Variants in TENM3 observed in about 807,000 individuals in gnomAD.
TENM3 encodes the protein teneurin-3.
In TENM3, 63 loss-of-function variants were observed where a neutral mutation model predicts 255.1. The observed-to-expected ratio is 0.25, with a 90% CI of 0.20 to 0.30. The LOEUF is 0.30. Among genes scored for constraint, TENM3 ranks in the 10% least tolerant of loss-of-function variants. The probability of loss-of-function intolerance (pLI) is 1.00; values close to 1 mark genes in which losing one functional copy is unlikely to be tolerated. For synonymous variants in TENM3, 1,306 were observed against 1,322.3 expected (o/e 0.99, Z 0.27); for missense variants, 2,929 against 3,461.1 (o/e 0.85, Z 3.86).
intron 12 of TENM3, chr4:182,711,654 C>T: frequency 1.4e-6 from 1 of 716,210 alleles, no homozygotes; most frequent in Non-Finnish European, 1.7e-6. Context: ...CTCTATATAA[C>T]TGTATATCAC....
At chr4:182,432,918 C>G (rs1771773343) in intron 3 of TENM3, among the ~76,000 whole-genome samples, 1 of 130,332 alleles carries the variant, frequency 7.7e-6, no homozygotes, top group South Asian at 2.7e-4. Flanking sequence ...AACTCCTGAC[C>G]TCAGGTGATC....
At chr4:182,228,944 T>A (rs1756376881) in intron 1 of TENM3, among the ~76,000 whole-genome samples, 1 of 152,190 alleles carries the variant, frequency 6.6e-6, no homozygotes, top group Admixed American at 6.5e-5. Context: ...GCAGTCCTAC[T>A]GTCATGGGGC....
the TENM3 span, among the ~76,000 whole-genome samples, chr4:182,094,250 C>CT: frequency 0.035 from 5,158 of 145,698 alleles, 147 homozygotes; most frequent in Admixed American, 0.082. Context: ...TCATTCTTTA[C>CT]TTTTTTTTTT....
chr4:182,335,143 T>C (rs192380802), intron 2 of TENM3, among the ~76,000 whole-genome samples: 24 of 152,098 alleles, frequency 1.6e-4, no homozygotes, highest in East Asian at 1.6e-3. Flanking sequence ...TTTACTCCCC[T>C]GAAACTTCTC....
chr4:181,726,948 T>G, the TENM3 span, among the ~76,000 whole-genome samples: 1 of 152,306 alleles, frequency 6.6e-6, no homozygotes, highest in East Asian at 1.9e-4. Context: ...ATGTACTGGT[T>G]TATTCTAAAG....
At chr4:182,034,328 G>C in the TENM3 span, among the ~76,000 whole-genome samples, 1 of 152,116 alleles carries the variant, frequency 6.6e-6, no homozygotes, top group Non-Finnish European at 1.5e-5. Flanking sequence ...ATGGGTCTTG[G>C]CTATATCCAG....
At chr4:181,957,218 C>T in the TENM3 span, among the ~76,000 whole-genome samples, 2 of 152,126 alleles carry the variant, frequency 1.3e-5, no homozygotes, top group East Asian at 3.9e-4. Flanking sequence ...TTTTGTCTCT[C>T]GGCCATAGAG....
At chr4:182,244,110 C>T (rs1240026848) in intron 1 of TENM3, among the ~76,000 whole-genome samples, 5 of 151,670 alleles carry the variant, frequency 3.3e-5, no homozygotes, top group Non-Finnish European at 4.4e-5. Flanking sequence ...CCCGCCACCA[C>T]GCCCGGCTAA....
intron 5 of TENM3, among the ~76,000 whole-genome samples, chr4:182,640,545 A>G (rs1318977105): frequency 2.0e-5 from 3 of 152,228 alleles, no homozygotes; most frequent in African/African-American, 7.2e-5. Context: ...TAGAGTAATG[A>G]TATTTTTAGA....
In TENM3 at chr4:182,754,650, G is replaced by T. The variant is rs200031135; in HGVS notation, c.4283G>T (p.Arg1428Leu). The T allele has an allele frequency of 3.8e-5, 61 of 1,613,858 alleles. No individual in the cohort carries two copies. Among genetic ancestry groups the T allele is most frequent in the Non-Finnish European group, 4.9e-5 (58 of 1,179,884 alleles). ...ITETDEKKIN[R>L]IRQVTTDGEI... ...GAAACTGATGAGAAGAAAATTAACC[G>T]GATAAGGCAGGTCACAACAGATGGA... The change falls in exon 22 of 28, where the codon CGG (arginine) becomes CTG (leucine). Residue 1428 changes from arginine (R) to leucine (L), a missense_variant. By Grantham distance (102) the Arg-to-Leu change is moderately radical. Around this residue, in one of 6 missense-constraint regions of TENM3, gnomAD observed 1,608 missense variants for 1,884.4 expected, o/e 0.85. Coordinates refer to ENST00000511685, the MANE Select transcript of TENM3 (RefSeq NM_001080477.4). The surrounding 1 kb of genome is among the most constrained non-coding windows in gnomAD (Gnocchi z 5.1).
At chr4:182,035,628 G>A in the TENM3 span, among the ~76,000 whole-genome samples, 1 of 152,132 alleles carries the variant, frequency 6.6e-6, no homozygotes, top group Admixed American at 6.5e-5. Flanking sequence ...CCTTTTTAAT[G>A]TGGGGGTTTT....
chr4:182,367,191 C>G (rs6833652), intron 3 of TENM3, among the ~76,000 whole-genome samples: 110,278 of 152,110 alleles, frequency 0.72, 41,307 homozygotes, highest in East Asian at 0.93. Flanking sequence ...TGTAGCAGGA[C>G]AGCAGTACGT....
the TENM3 span, among the ~76,000 whole-genome samples, chr4:181,874,998 A>G: frequency 0.17 from 25,198 of 152,164 alleles, 2,663 homozygotes; most frequent in East Asian, 0.55. Flanking sequence ...GTTTAGGATG[A>G]GAGAACACAT....
the TENM3 span, among the ~76,000 whole-genome samples, chr4:181,686,585 C>G: frequency 6.6e-6 from 1 of 152,050 alleles, no homozygotes; most frequent in Non-Finnish European, 1.5e-5. Context: ...ATAAGTAAGA[C>G]GTGGCTCCTG....
At chr4:182,507,187 G>A (rs1420713801) in intron 3 of TENM3, among the ~76,000 whole-genome samples, 2 of 152,028 alleles carry the variant, frequency 1.3e-5, no homozygotes, top group East Asian at 3.9e-4. Flanking sequence ...AGTAAAAGAA[G>A]CCCGAGTTAT....
At chr4:182,779,852 G>T (rs1423684197) in intron 24 of TENM3, among the ~76,000 whole-genome samples, 1 of 152,210 alleles carries the variant, frequency 6.6e-6, no homozygotes, top group Non-Finnish European at 1.5e-5. Flanking sequence ...CTGCATAAAT[G>T]TCTTCTTTTG....
At chr4:182,674,861 G>A (rs183918706) in intron 7 of TENM3, among the ~76,000 whole-genome samples, 3 of 152,056 alleles carry the variant, frequency 2.0e-5, no homozygotes, top group Admixed American at 6.5e-5. Context: ...ATGAGCCACC[G>A]CGTCTGGGCT....
At chr4:182,618,440 C>A (rs2152445956) in intron 4 of TENM3, among the ~76,000 whole-genome samples, 1 of 152,008 alleles carries the variant, frequency 6.6e-6, no homozygotes, top group African/African-American at 2.4e-5. Flanking sequence ...CTAAAATGAA[C>A]TTTGATATAT....
At chr4:181,757,799 G>T in the TENM3 span, among the ~76,000 whole-genome samples, 1 of 152,256 alleles carries the variant, frequency 6.6e-6, no homozygotes, top group African/African-American at 2.4e-5. Context: ...GCAGCTGAAA[G>T]GGCAAACACA....
Sources: gnomAD v4.1 joint callset for allele counts (sites outside exome capture counted in the v4.1 genomes callset) on GRCh38, gnomAD v4.1.1 for gene constraint, gnomAD v4.1.1 regional missense constraint, Gnocchi (gnomAD v3.1) non-coding constraint, MANE v1.5 for transcripts, NCBI Gene and HGNC (gene_info 2026-07-23, HGNC 2026-07-21) for gene names.